The following XIRP2 variants were observed in gnomAD, a reference collection of about 807,000 sequenced individuals.
XIRP2 encodes the protein xin actin binding repeat containing 2, also known as xin actin-binding repeat-containing protein 2.
XIRP2 carries 236 observed loss-of-function variants against 277.0 expected under a neutral mutation model. The observed-to-expected ratio is 0.85, with a 90% confidence interval of 0.77 to 0.95. The LOEUF (loss-of-function observed/expected upper bound fraction) is 0.95. XIRP2 is among the 40% of genes least tolerant of loss of function. The pLI is 0.00. For missense variants in XIRP2, 4,640 were observed against 4,157.5 expected, an observed-to-expected ratio of 1.12 and a Z score of -3.19; for synonymous variants, 1,490 against 1,416.5, an observed-to-expected ratio of 1.05 and a Z score of -1.17.
rs76172369 is a variant in XIRP2 at position 167,039,590 on chromosome 2, A to G, written c.409-96319A>G. ...GTACACACACACAAACACATACACA[A>G]TCTCACACACACACACAATGTGGTA... On this transcript the variant is annotated intron_variant, in intron 2 of 10. Coordinates refer to ENST00000409195, the MANE Select transcript of XIRP2 (RefSeq NM_152381.6). Among the ~76,000 whole-genome samples, 14 of 152,178 alleles carry G rather than the reference A, an allele frequency of 9.2e-5. No homozygotes were observed. In the East Asian group the frequency reaches 2.5e-3, roughly 27 times the overall value.
chr2:166,946,958 G>A (rs1278557390), intron 2 of XIRP2, among the ~76,000 whole-genome samples: 1 of 152,070 alleles, frequency 6.6e-6, no homozygotes. Flanking sequence ...TTACAGATAT[G>A]TGAAATAGTT....
At chr2:167,029,030 A>C (rs937866246) in intron 2 of XIRP2, among the ~76,000 whole-genome samples, 61 of 151,984 alleles carry the variant, frequency 4.0e-4, no homozygotes, top group African/African-American at 1.4e-3. Flanking sequence ...AGATAAAAGA[A>C]AAAAAGAATG....
At chr2:167,103,814 GA>G (rs565819648) in intron 2 of XIRP2, among the ~76,000 whole-genome samples, 8 of 147,976 alleles carry the variant, frequency 5.4e-5, no homozygotes, top group Non-Finnish European at 7.5e-5. Flanking sequence ...TCTCTTTACA[GA>G]AAAAAAAAAG....
At chr2:167,222,218 T>C (rs1014351154) in intron 5 of XIRP2, among the ~76,000 whole-genome samples, 16 of 152,228 alleles carry the variant, frequency 1.1e-4, no homozygotes, top group African/African-American at 3.9e-4. Context: ...CTTAGGATGA[T>C]GTCCCATGTA....
At chr2:167,128,068 C>T (rs1366015795) in intron 2 of XIRP2, among the ~76,000 whole-genome samples, 1 of 152,154 alleles carries the variant, frequency 6.6e-6, no homozygotes, top group South Asian at 2.1e-4. Context: ...GACATTCACC[C>T]TGTTTTATCA....
chr2:167,075,181 T>TTTTTG (rs756007544), intron 2 of XIRP2, among the ~76,000 whole-genome samples: 89 of 152,152 alleles, frequency 5.8e-4, no homozygotes, highest in African/African-American at 1.7e-3. Flanking sequence ...CATTTTTGGT[T>TTTTTG]TTTTGTTTTG....
chr2:166,917,241 A>T (rs943063269), intron 2 of XIRP2, among the ~76,000 whole-genome samples: 1 of 152,132 alleles, frequency 6.6e-6, no homozygotes, highest in Non-Finnish European at 1.5e-5. Flanking sequence ...TTTTAACATA[A>T]GTTACAATCC....
At chr2:166,966,312 A>T (rs1686431589) in intron 2 of XIRP2, among the ~76,000 whole-genome samples, 3 of 151,890 alleles carry the variant, frequency 2.0e-5, no homozygotes, top group Admixed American at 2.0e-4. Context: ...ATCACTAATG[A>T]TAATTAATTT....
At chr2:167,084,596 T>C (rs2105266533) in intron 2 of XIRP2, among the ~76,000 whole-genome samples, 1 of 152,082 alleles carries the variant, frequency 6.6e-6, no homozygotes, top group South Asian at 2.1e-4. Context: ...TGGTAAGCTA[T>C]TGATTATTGC....
chr2:167,172,749 A>AG (rs1298918145), intron 3 of XIRP2, among the ~76,000 whole-genome samples: 1 of 152,194 alleles, frequency 6.6e-6, no homozygotes, highest in Non-Finnish European at 1.5e-5. Context: ...TCTTTTTTGA[A>AG]GGTGCCCAGA....
chr2:167,198,109 G>A (rs1221823797), intron 3 of XIRP2, among the ~76,000 whole-genome samples: 3 of 152,120 alleles, frequency 2.0e-5, no homozygotes, highest in Non-Finnish European at 4.4e-5. Flanking sequence ...AAGGGATGAC[G>A]ATACTGACTA....
At position 167,250,272 on chromosome 2, in the gene XIRP2, A is replaced by G; in HGVS notation, c.8880A>G (p.Arg2960=). The change falls in exon 9 of 11, where the codon AGA becomes AGG. Residue 2960 remains arginine, a synonymous_variant. Transcript: ENST00000409195. ...AAGAACTGCAACAGATTTTGTCGAGAGTGAAACAGTTTGAAGCAGAGCCAA... is the reference window on the plus strand; with the variant it reads ...AAGAACTGCAACAGATTTTGTCGAGGGTGAAACAGTTTGAAGCAGAGCCAA... ...KREELQQILS[R]VKQFEAEPNK... 6.2e-7 allele frequency: 1 copy of G among 1,613,318 alleles called. No homozygotes were observed. The highest frequency in any genetic ancestry group is 8.5e-7 in the Non-Finnish European group (1 of 1,179,658).
chr2:167,087,502 T>A (rs577606503), intron 2 of XIRP2, among the ~76,000 whole-genome samples: 154 of 152,358 alleles, frequency 1.0e-3, no homozygotes, highest in Non-Finnish European at 1.9e-3. Flanking sequence ...TTTGTTTACC[T>A]AAGCAAGCCT....
chr2:167,054,545 G>A (rs753454495), intron 2 of XIRP2, among the ~76,000 whole-genome samples: 3 of 152,054 alleles, frequency 2.0e-5, no homozygotes, highest in African/African-American at 4.8e-5. Flanking sequence ...TTAGCTGGGC[G>A]TGTTGGTGTA....
At chr2:167,117,719 A>G (rs1351731255) in intron 2 of XIRP2, among the ~76,000 whole-genome samples, 1 of 152,222 alleles carries the variant, frequency 6.6e-6, no homozygotes, top group Non-Finnish European at 1.5e-5. Context: ...ATCCTCATGT[A>G]TGTGGGTTTG....
At chr2:167,024,536 T>G (rs1314396393) in intron 2 of XIRP2, among the ~76,000 whole-genome samples, 1 of 152,184 alleles carries the variant, frequency 6.6e-6, no homozygotes, top group Non-Finnish European at 1.5e-5. Context: ...TGTGCCAGTT[T>G]TCAAAGGCAA....
intron 2 of XIRP2, among the ~76,000 whole-genome samples, chr2:167,092,389 A>G (rs1303615834): frequency 1.3e-5 from 2 of 152,090 alleles, no homozygotes; most frequent in African/African-American, 2.4e-5. Context: ...ATGAACTTCT[A>G]TGTCTCTGGC....
At chr2:166,917,690 A>T (rs1684927229) in intron 2 of XIRP2, among the ~76,000 whole-genome samples, 1 of 152,018 alleles carries the variant, frequency 6.6e-6, no homozygotes, top group Non-Finnish European at 1.5e-5. Flanking sequence ...CACTGGGAAA[A>T]CTGCTGTCAG....
chr2:167,230,970 C>A (rs1233989009), intron 5 of XIRP2, among the ~76,000 whole-genome samples: 1 of 152,100 alleles, frequency 6.6e-6, no homozygotes, highest in Non-Finnish European at 1.5e-5. Flanking sequence ...CAATCTCTTA[C>A]AACCAACTCC....
Sources: gnomAD v4.1 joint callset for allele counts (sites outside exome capture counted in the v4.1 genomes callset) on GRCh38, gnomAD v4.1.1 for gene constraint, MANE v1.5 for transcripts, NCBI Gene and HGNC (gene_info 2026-07-23, HGNC 2026-07-21) for gene names.